Variants in TARS2 observed in about 807,000 individuals in gnomAD.
TARS2 encodes threonyl-tRNA synthetase 2, mitochondrial.
TARS2 carries 61 observed loss-of-function variants against 94.4 expected under a neutral mutation model. The ratio of observed to expected loss-of-function variants is 0.65; its 90% confidence interval spans 0.53 to 0.80. The LOEUF (loss-of-function observed/expected upper bound fraction) is 0.80, where lower values mean the gene tolerates loss of function less well. TARS2 is among the 30% of genes least tolerant of loss of function. The pLI is 0.00. For missense variants in TARS2, 704 were observed against 902.5 expected (o/e 0.78, Z 2.82); for synonymous variants, 359 against 353.4 (o/e 1.02, Z -0.18).
chr1:150,507,277 A>T lies in TARS2; in HGVS notation c.*213A>T. 3.3e-6 allele frequency: 2 copies of T among 604,972 alleles called. No homozygotes were observed. Among genetic ancestry groups the T allele is most frequent in the South Asian group, 2.4e-5 (1 of 40,880 alleles). The allele number at this position is 604,972 out of a possible 1,614,324, so 37.5% of individuals were successfully genotyped here. ...TGTGAGGAGAATGAAACTACAAAAA[A>T]AAATAAATTGGGCCAGGCGCAGTGG... On this transcript the variant is annotated 3_prime_UTR_variant, in exon 18 of 18. Coordinates refer to ENST00000369064, the MANE Select transcript of TARS2 (RefSeq NM_025150.5).
chr1:150,500,538 A>T (rs1669867039), intron 13 of TARS2, among the ~76,000 whole-genome samples: 1 of 152,038 alleles, frequency 6.6e-6, no homozygotes. Context: ...GTGAGCCAAG[A>T]TCACACCACT....
chr1:150,491,789 T>C (rs1404362114), intron 6 of TARS2, 127 bp downstream of exon 6: 1 of 1,069,604 alleles, frequency 9.3e-7, no homozygotes, highest in Non-Finnish European at 1.4e-6. Context: ...GGAATGGGAA[T>C]TGATTTTTTT....
chr1:150,492,344 C>A (rs1310197590), intron 6 of TARS2, 67 bp from the exon 7 acceptor site: 15 of 1,510,470 alleles, frequency 9.9e-6, no homozygotes, highest in Non-Finnish European at 1.4e-5. Context: ...AGCTAAAGAC[C>A]ATGAGAGGGA....
chr1:150,492,758 C>T (rs887857228), intron 7 of TARS2, among the ~76,000 whole-genome samples: 3 of 143,462 alleles, frequency 2.1e-5, no homozygotes, highest in Non-Finnish European at 4.5e-5. Context: ...TGTAGTGAGC[C>T]GAGACTGCAC....
Position 150,487,841 on chromosome 1 carries a change from T to C in TARS2, c.67-17T>C, listed in dbSNP as rs778224575. The C allele has an allele frequency of 4.2e-5, 67 of 1,609,168 alleles. No homozygotes were observed. Among genetic ancestry groups the C allele is most frequent in the Non-Finnish European group, 5.3e-5 (62 of 1,178,198 alleles). On this transcript the variant is annotated splice_polypyrimidine_tract_variant and intron_variant, in intron 1 of 17. Coordinates refer to ENST00000369064, the MANE Select transcript of TARS2 (RefSeq NM_025150.5). ...TGATGGGACGTGTGTTACCTGCTAA[T>C]ATATCTTTCCCTCCAGGCAGTTGTG... is the stretch of plus-strand genomic sequence containing the variant.
At position 150,487,842 on chromosome 1, in the gene TARS2, A is replaced by T. The variant is rs1352646773; in HGVS notation, c.67-16A>T. Reference sequence around the variant, plus strand: ...GATGGGACGTGTGTTACCTGCTAATATATCTTTCCCTCCAGGCAGTTGTGT... The same window carrying T: ...GATGGGACGTGTGTTACCTGCTAATTTATCTTTCCCTCCAGGCAGTTGTGT... On this transcript the variant is annotated splice_polypyrimidine_tract_variant and intron_variant, in intron 1 of 17. Coordinates refer to ENST00000369064, the MANE Select transcript of TARS2 (RefSeq NM_025150.5). 1 of 1,609,334 alleles carries T rather than the reference A, an allele frequency of 6.2e-7. No individual in the cohort carries two copies. Among genetic ancestry groups the T allele is most frequent in the East Asian group, 2.2e-5 (1 of 44,820 alleles).
At chr1:150,490,114 CTTTTTT>C (rs772454527) in intron 3 of TARS2, among the ~76,000 whole-genome samples, 5 of 80,178 alleles carry the variant, frequency 6.2e-5, no homozygotes, top group African/African-American at 2.6e-4. Context: ...TCTATTCAGT[CTTTTTT>C]TTTTTTTTTT....
Position 150,496,597 on chromosome 1 carries a change from C to T in TARS2, c.890C>T (p.Ala297Val). The change falls in exon 8 of 18, where the codon GCA becomes GTA. Residue 297 changes from alanine (A) to valine (V), a missense_variant. Transcript: ENST00000369064. ...LRVWEAWREE[A>V]ELRDHRRIGK... ...GTCTGGGAAGCATGGAGGGAGGAAG[C>T]AGAATTGCGGGACCACCGGCGCATT... 1 of 1,613,558 alleles carries T rather than the reference C, an allele frequency of 6.2e-7. No individual in the cohort carries two copies. The highest frequency in any genetic ancestry group is 8.5e-7 in the Non-Finnish European group (1 of 1,179,918).
chr1:150,493,795 A>T (rs767529475), intron 7 of TARS2, among the ~76,000 whole-genome samples: 10 of 152,150 alleles, frequency 6.6e-5, no homozygotes, highest in African/African-American at 2.4e-4. Context: ...CTGGACAAGA[A>T]GAGTTACTAG....
intron 3 of TARS2, 60 bp downstream of exon 3, chr1:150,489,147 A>T (rs1669273260): frequency 6.2e-7 from 1 of 1,611,180 alleles, no homozygotes; most frequent in Non-Finnish European, 8.5e-7. Flanking sequence ...TTGAAGCAGG[A>T]AATTCTAACA....
intron 6 of TARS2, chr1:150,492,030 G>A (rs1278372260): frequency 1.5e-5 from 4 of 263,338 alleles, no homozygotes; most frequent in African/African-American, 2.3e-5. Context: ...GCAGTGGCGC[G>A]ATCTCGGCTC....
rs111335458 is a variant in TARS2, at chr1:150,491,442, A to C, written c.561A>C (p.Glu187Asp). ...CTGTTTTGGAGCGGATTTGCCAGGA[A>C]CTTACAGCTGCTGCTCGACCCTTCC... ...ELPVLERICQ[E>D]LTAAARPFRR... The change falls in exon 5 of 18, where the codon GAA becomes GAC. Residue 187 changes from glutamate to aspartate, a missense_variant. Coordinates refer to ENST00000369064, the MANE Select transcript of TARS2 (RefSeq NM_025150.5). 1.3e-5 allele frequency: 21 copies of C among 1,613,862 alleles called. No homozygotes were observed. In the African/African-American group the frequency reaches 2.0e-4, roughly 15 times the overall value.
intron 7 of TARS2, among the ~76,000 whole-genome samples, chr1:150,496,234 G>C (rs1322050788): frequency 6.6e-6 from 1 of 152,138 alleles, no homozygotes; most frequent in Non-Finnish European, 1.5e-5. Context: ...ATGAGAATGG[G>C]GAGAAAAAGA....
intron 4 of TARS2, among the ~76,000 whole-genome samples, chr1:150,491,134 C>T (rs930438778): frequency 2.0e-5 from 3 of 152,080 alleles, no homozygotes; most frequent in African/African-American, 4.8e-5. Context: ...TTTACTTAAT[C>T]GCCCTCATTA....
chr1:150,491,310 C>T, intron 4 of TARS2, 84 bp from the exon 5 acceptor site: 3 of 1,358,124 alleles, frequency 2.2e-6, no homozygotes, highest in Non-Finnish European at 3.2e-6. Flanking sequence ...AAGGACAGGA[C>T]CTTACCCGCT....
intron 4 of TARS2, 116 bp downstream of exon 4, chr1:150,490,841 G>A (rs1485384859): frequency 5.5e-6 from 8 of 1,445,230 alleles, no homozygotes; most frequent in Non-Finnish European, 7.6e-6. Context: ...GTTTCTCTAG[G>A]TCTCAACTAT....
chr1:150,506,289 C>T (rs1670197659), intron 17 of TARS2, among the ~76,000 whole-genome samples: 1 of 152,040 alleles, frequency 6.6e-6, no homozygotes, highest in African/African-American at 2.4e-5. Flanking sequence ...GCCCAGTCAG[C>T]CCCTGCATAC....
chr1:150,496,720 C>A, intron 8 of TARS2, 90 bp from the exon 9 acceptor site: 1 of 1,600,178 alleles, frequency 6.2e-7, no homozygotes, highest in Non-Finnish European at 8.5e-7. Flanking sequence ...GATTCAGTCA[C>A]ACAGACTGAG....
At chr1:150,496,457 T>C (rs1570849550) in intron 7 of TARS2, 25 bp from the exon 8 acceptor site, 1 of 1,578,076 alleles carries the variant, frequency 6.3e-7, no homozygotes, top group Non-Finnish European at 8.6e-7. Flanking sequence ...TCATCTTTCC[T>C]TTGATCCCCT....
Sources: gnomAD v4.1 joint callset for allele counts (sites outside exome capture counted in the v4.1 genomes callset) on GRCh38, gnomAD v4.1.1 for gene constraint, MANE v1.5 for transcripts, NCBI Gene and HGNC (gene_info 2026-07-23, HGNC 2026-07-21) for gene names.